The following TAFA1 variants were observed in gnomAD, a reference collection of about 807,000 sequenced individuals.
TAFA1 encodes chemokine-like protein TAFA-1.
Under a neutral mutation model 18.5 loss-of-function variants are expected in TAFA1, and 4 were observed. The observed-to-expected ratio is 0.22, with a 90% CI of 0.11 to 0.49. The LOEUF (loss-of-function observed/expected upper bound fraction) is 0.49, where lower values mean the gene tolerates loss of function less well. TAFA1 is among the 20% of genes least tolerant of loss of function. TAFA1 has a pLI of 0.98. For missense variants in TAFA1, 147 were observed against 169.0 expected (o/e 0.87, Z 0.72); for synonymous variants, 56 against 55.2 (o/e 1.01, Z -0.06).
intron 3 of TAFA1, among the ~76,000 whole-genome samples, chr3:68,530,072 T>G (rs2073169061): frequency 6.6e-6 from 1 of 152,206 alleles, no homozygotes; most frequent in Non-Finnish European, 1.5e-5. Context: ...ATCTAAACTG[T>G]CATCTTTGAG....
intron 3 of TAFA1, among the ~76,000 whole-genome samples, chr3:68,497,163 TA>T (rs1204424321): frequency 1.3e-5 from 2 of 152,208 alleles, no homozygotes; most frequent in African/African-American, 4.8e-5. Context: ...TTCAGTACTC[TA>T]CCAGCTAATC....
intron 2 of TAFA1, among the ~76,000 whole-genome samples, chr3:68,328,548 A>G (rs1038289235): frequency 3.3e-5 from 5 of 152,322 alleles, no homozygotes; most frequent in East Asian, 3.9e-4. Context: ...AAACATTTCA[A>G]CCTTGGTGGA....
At chr3:68,496,405 C>T (rs2072551068) in intron 3 of TAFA1, among the ~76,000 whole-genome samples, 2 of 152,116 alleles carry the variant, frequency 1.3e-5, no homozygotes, top group Admixed American at 1.3e-4. Context: ...TTGCAATGGT[C>T]CCTATGGGCT....
intron 3 of TAFA1, among the ~76,000 whole-genome samples, chr3:68,509,330 G>C (rs1296200268): frequency 6.6e-6 from 1 of 152,054 alleles, no homozygotes; most frequent in African/African-American, 2.4e-5. Context: ...CGTCAAGGTA[G>C]AGAAAAAAGC....
At chr3:68,427,487 C>T (rs1400081566) in intron 3 of TAFA1, among the ~76,000 whole-genome samples, 4 of 151,826 alleles carry the variant, frequency 2.6e-5, no homozygotes, top group African/African-American at 9.7e-5. Context: ...GATACTGGTA[C>T]ATTGCTATGT....
intron 2 of TAFA1, among the ~76,000 whole-genome samples, chr3:68,143,917 A>G (rs893311246): frequency 6.6e-6 from 1 of 151,774 alleles, no homozygotes; most frequent in African/African-American, 2.4e-5. Context: ...GTGGACCCTC[A>G]TGACTGTGCC....
At chr3:68,300,953 C>T (rs541078262) in intron 2 of TAFA1, among the ~76,000 whole-genome samples, 4 of 152,166 alleles carry the variant, frequency 2.6e-5, no homozygotes, top group Admixed American at 6.5e-5. Flanking sequence ...TTATAAATTG[C>T]CCAGTCTGAG....
intron 3 of TAFA1, among the ~76,000 whole-genome samples, chr3:68,420,388 T>A (rs140160703): frequency 6.6e-6 from 1 of 152,248 alleles, no homozygotes; most frequent in Non-Finnish European, 1.5e-5. Flanking sequence ...ACCTAATTTT[T>A]CTTTTATTTT....
At chr3:68,388,796 G>C (rs2070163923) in intron 2 of TAFA1, among the ~76,000 whole-genome samples, 1 of 152,022 alleles carries the variant, frequency 6.6e-6, no homozygotes, top group African/African-American at 2.4e-5. Context: ...TTCAGGGTCA[G>C]AAGGGACCTT....
At chr3:68,305,071 C>T (rs1368015829) in intron 2 of TAFA1, among the ~76,000 whole-genome samples, 1 of 152,018 alleles carries the variant, frequency 6.6e-6, no homozygotes, top group Admixed American at 6.6e-5. Context: ...TCCTTAAGTT[C>T]TAGAAGCTGG....
chr3:68,026,945 G>A (rs953438202), intron 2 of TAFA1, among the ~76,000 whole-genome samples: 1 of 152,146 alleles, frequency 6.6e-6, no homozygotes, highest in Non-Finnish European at 1.5e-5. Flanking sequence ...GCCCCAGGAA[G>A]CTTCCAATCA....
chr3:68,467,793 C>T (rs2071917965), intron 3 of TAFA1, among the ~76,000 whole-genome samples: 1 of 152,130 alleles, frequency 6.6e-6, no homozygotes, highest in Non-Finnish European at 1.5e-5. Context: ...TCTGGCTAAA[C>T]TGATTTAGCA....
At chr3:68,035,745 G>A (rs1241413103) in intron 2 of TAFA1, among the ~76,000 whole-genome samples, 1 of 152,170 alleles carries the variant, frequency 6.6e-6, no homozygotes, top group African/African-American at 2.4e-5. Flanking sequence ...TGATAGAAGC[G>A]CTATTCAATC....
intron 3 of TAFA1, among the ~76,000 whole-genome samples, chr3:68,523,682 C>A (rs1355523): frequency 0.23 from 35,697 of 152,144 alleles, 4,468 homozygotes; most frequent in Admixed American, 0.28. Context: ...AGATCATTTT[C>A]ATATTCCTAG....
At chr3:68,486,087 A>G (rs999960752) in intron 3 of TAFA1, among the ~76,000 whole-genome samples, 1 of 61,818 alleles carries the variant, frequency 1.6e-5, no homozygotes, top group Non-Finnish European at 3.4e-5. Flanking sequence ...ATTTTATTTT[A>G]TTTTATTTTA....
intron 2 of TAFA1, among the ~76,000 whole-genome samples, chr3:68,061,517 A>T (rs1222974015): frequency 6.6e-6 from 1 of 152,194 alleles, no homozygotes; most frequent in African/African-American, 2.4e-5. Flanking sequence ...TGGCATATAC[A>T]TCCTCAGAAT....
rs1044101107 is a variant in TAFA1, at chr3:68,154,649, C to T, written c.118+147905C>T. Among the ~76,000 whole-genome samples the T allele has an allele frequency of 3.9e-5, 6 of 152,322 alleles. No homozygotes were observed. In the East Asian group the frequency reaches 7.7e-4, roughly 20 times the overall value. ...TTTAGAGAAGCCATATAGCCATCTGCTCAGTGTTCTTGCTAATACTCTAGG... is the reference window on the plus strand; with the variant it reads ...TTTAGAGAAGCCATATAGCCATCTGTTCAGTGTTCTTGCTAATACTCTAGG... On this transcript the variant is annotated intron_variant, in intron 2 of 4. Coordinates refer to ENST00000478136, the MANE Select transcript of TAFA1 (RefSeq NM_213609.4).
Position 68,417,129 on chromosome 3 carries a change from A to G in TAFA1, c.119-151A>G, listed in dbSNP as rs558310038. 9.4e-4 allele frequency: 584 copies of G among 623,674 alleles called. 9 individuals are homozygous for G. The highest frequency in any genetic ancestry group is 8.9e-3 in the South Asian group (435 of 49,118). 38.6% of individuals were successfully genotyped at this position (623,674 alleles called of 1,614,324 possible). On this transcript the variant is annotated intron_variant, in intron 2 of 4. Coordinates refer to ENST00000478136, the MANE Select transcript of TAFA1 (RefSeq NM_213609.4). ...CACTGTCCTCTCTGTGATTACACGTAGTAGAAGAGAGTCCTGTTGTAATTG... is the reference window on the plus strand; with the variant it reads ...CACTGTCCTCTCTGTGATTACACGTGGTAGAAGAGAGTCCTGTTGTAATTG...
the TAFA1 span, among the ~76,000 whole-genome samples, chr3:67,993,201 T>C: frequency 2.5e-3 from 383 of 152,362 alleles, 4 homozygotes; most frequent in African/African-American, 8.7e-3. Context: ...CCAATTTCCC[T>C]GGATATTCTT....
Sources: allele counts gnomAD v4.1 joint callset (sites outside exome capture counted in the v4.1 genomes callset), GRCh38; gene constraint gnomAD v4.1.1; transcripts MANE v1.5; gene names NCBI Gene and HGNC (gene_info 2026-07-23, HGNC 2026-07-21).